SEMA4G: variants seen among roughly 807,000 people sequenced by gnomAD.
The protein encoded by SEMA4G is semaphorin 4G.
In SEMA4G, 59 loss-of-function variants were observed where a neutral mutation model predicts 81.2. The ratio of observed to expected loss-of-function variants is 0.73; its 90% CI spans 0.59 to 0.90. The LOEUF is 0.90. Among genes scored for constraint, SEMA4G ranks in the 40% least tolerant of loss-of-function variants. SEMA4G has a pLI of 0.00. For synonymous variants in SEMA4G, 404 were observed against 433.9 expected, an observed-to-expected ratio of 0.93 and a Z score of 0.86; for missense variants, 952 against 1,102.3, an observed-to-expected ratio of 0.86 and a Z score of 1.93.
At chr10:100,969,670 C>T (rs901428202), upstream of SEMA4G, 1 of 342,916 alleles carries the variant, frequency 2.9e-6, no homozygotes. Context: ...AGGCCTCCCC[C>T]ACGTCCATTC....
chr10:100,971,159 C>T (rs970275719), upstream of SEMA4G, among the ~76,000 whole-genome samples: 1 of 152,180 alleles, frequency 6.6e-6, no homozygotes, highest in African/African-American at 2.4e-5. Flanking sequence ...TGTATATCAC[C>T]TTCCTAATAG....
chr10:100,982,890 T>C (rs1388149416), intron 13 of SEMA4G, among the ~76,000 whole-genome samples: 2 of 152,190 alleles, frequency 1.3e-5, no homozygotes, highest in East Asian at 3.8e-4. Context: ...CCATTCACAG[T>C]GGTGGCGATT....
chr10:100,976,177 AATC>A (rs1293297043), intron 3 of SEMA4G, among the ~76,000 whole-genome samples: 3 of 152,074 alleles, frequency 2.0e-5, no homozygotes, highest in African/African-American at 7.2e-5. Context: ...CAAGAGGAGG[AATC>A]ATTAACGTGG....
chr10:100,982,303 C>A (rs1364770182), intron 13 of SEMA4G, among the ~76,000 whole-genome samples: 2 of 152,180 alleles, frequency 1.3e-5, no homozygotes, highest in East Asian at 3.9e-4. Context: ...AGATTTTGGT[C>A]TTTATCCGAA....
At chr10:100,969,629 G>A (rs1850571590), upstream of SEMA4G, 1 of 312,184 alleles carries the variant, frequency 3.2e-6, no homozygotes, top group South Asian at 2.3e-5. Context: ...GCCCTGGCGT[G>A]AGCCTGGGGC....
Position 100,979,444 on chromosome 10 carries a change from G to A in SEMA4G, c.983+173G>A, listed in dbSNP as rs559230732. On this transcript the variant is annotated intron_variant, in intron 8 of 13. Coordinates refer to ENST00000370250, the Ensembl canonical transcript of SEMA4G. ...TGTTGCCAGGCTGGAGTGCAGTGGC[G>A]CGATCTCGGCTCACTGCAATCTCCG... The A allele has an allele frequency of 2.0e-4, 292 of 1,488,004 alleles. 1 individual carries two copies. In the Middle Eastern group the frequency reaches 2.2e-3, roughly 11 times the overall value. 92.2% of individuals were successfully genotyped at this position (1,488,004 alleles called of 1,614,324 possible).
At position 100,973,435 on chromosome 10, in the gene SEMA4G, T is replaced by C. The variant is rs1850691228; in HGVS notation, c.274-112T>C. 7.1e-7 allele frequency: 1 copy of C among 1,408,068 alleles called. No individual in the cohort carries two copies. The highest frequency in any genetic ancestry group is 9.9e-7 in the Non-Finnish European group (1 of 1,013,900). 87.2% of individuals were successfully genotyped at this position (1,408,068 alleles called of 1,614,324 possible). On this transcript the variant is annotated intron_variant, in intron 2 of 13. Coordinates refer to ENST00000370250, the Ensembl canonical transcript of SEMA4G. The surrounding 1 kb of genome is among the most constrained non-coding windows in gnomAD (Gnocchi z 5.5). ...TGTTCCTTGCATTCAGTGTTCCTCC[T>C]GAAATTGATCCCCACCCCAATTTCC... is the stretch of plus-strand genomic sequence containing the variant.
intron 3 of SEMA4G, among the ~76,000 whole-genome samples, chr10:100,976,837 A>G (rs887184342): frequency 3.9e-5 from 6 of 152,236 alleles, no homozygotes; most frequent in Admixed American, 3.9e-4. Context: ...GTATTCATTG[A>G]CTGAATAAAT....
intron 8 of SEMA4G, 39 bp downstream of exon 9, chr10:100,979,310 C>G (rs374476873): frequency 1.4e-5 from 23 of 1,613,940 alleles, no homozygotes; most frequent in Admixed American, 1.3e-4. Context: ...AAACTGCGGA[C>G]AGCATAGGGG....
chr10:100,985,087 C>A, downstream of SEMA4G: 1 of 588,236 alleles, frequency 1.7e-6, no homozygotes, highest in Non-Finnish European at 2.8e-6. Context: ...CAGGCCCTTG[C>A]CTAGGATGGA....
At position 100,977,619 on chromosome 10, in the gene SEMA4G, C is replaced by A; in HGVS notation, c.337-13C>A. ...GGCAGGGGGCTCACAGCCCTCTCCA[C>A]CTCATCCCACAGACGGAGTGCTTTA... On this transcript the variant is annotated splice_polypyrimidine_tract_variant and intron_variant, in intron 3 of 13. Coordinates refer to ENST00000370250, the Ensembl canonical transcript of SEMA4G. The A allele has an allele frequency of 6.2e-7, 1 of 1,611,630 alleles. No homozygotes were observed. Among genetic ancestry groups the A allele is most frequent in the Non-Finnish European group, 8.5e-7 (1 of 1,177,744 alleles).
At chr10:100,978,061 A>G (rs1850878393) in intron 4 of SEMA4G, 1 of 579,878 alleles carries the variant, frequency 1.7e-6, no homozygotes, top group Non-Finnish European at 3.1e-6. Context: ...TTCTTCATAG[A>G]TAAGGAGTGA....
chr10:100,982,082 G>GA (rs1385906472), intron 13 of SEMA4G, among the ~76,000 whole-genome samples: 1 of 144,214 alleles, frequency 6.9e-6, no homozygotes, highest in Non-Finnish European at 1.5e-5. Flanking sequence ...AAAAAAGAAA[G>GA]AAAAAAGAAT....
chr10:100,970,072 G>C (rs1850586804), upstream of SEMA4G: 2 of 342,008 alleles, frequency 5.8e-6, no homozygotes, highest in Admixed American at 6.6e-5. Flanking sequence ...TGGACATCTG[G>C]GATGAAGGTC....
exon 14 of SEMA4G, chr10:100,983,602 C>T: frequency 6.2e-7 from 1 of 1,614,126 alleles, no homozygotes; most frequent in Non-Finnish European, 8.5e-7. Flanking sequence ...AAAGCCCCTG[C>T]CACACCTGGG....
exon 14 of SEMA4G, chr10:100,984,319 C>T: frequency 2.1e-6 from 3 of 1,440,074 alleles, no homozygotes; most frequent in Non-Finnish European, 2.7e-6. Flanking sequence ...TCCACAGACC[C>T]ACATGTGAGC....
At chr10:100,978,852 C>T (rs369471768) in exon 7 of SEMA4G, 35 of 1,613,512 alleles carry the variant, frequency 2.2e-5, no homozygotes, top group Non-Finnish European at 2.9e-5. Context: ...CCCACAGATG[C>T]GGAGTTTGTG....
At chr10:100,984,933 TG>T (rs1366179476), downstream of SEMA4G, 3 of 1,439,598 alleles carry the variant, frequency 2.1e-6, no homozygotes, top group Non-Finnish European at 2.7e-6. Context: ...CATGCACATG[TG>T]GTAACACACA....
At chr10:100,982,748 C>T (rs570438253) in intron 13 of SEMA4G, among the ~76,000 whole-genome samples, 10 of 152,176 alleles carry the variant, frequency 6.6e-5, no homozygotes, top group Non-Finnish European at 8.8e-5. Flanking sequence ...GCTGAGATCA[C>T]GTCACTGCAC....
Sources: allele counts gnomAD v4.1 joint callset (sites outside exome capture counted in the v4.1 genomes callset), GRCh38; gene constraint gnomAD v4.1.1; non-coding constraint Gnocchi (gnomAD v3.1); transcripts MANE v1.5; gene names NCBI Gene and HGNC (gene_info 2026-07-23, HGNC 2026-07-21).